The following TMX4 variants were observed in gnomAD, a reference collection of about 807,000 sequenced individuals.
The protein encoded by TMX4 is thioredoxin related transmembrane protein 4.
A neutral mutation model predicts 33.3 loss-of-function variants in TMX4; 23 were observed. That is an observed-to-expected ratio of 0.69 (90% CI 0.50 to 0.98). TMX4 has a LOEUF of 0.98. Ranked by LOEUF, TMX4 falls within the 50% of genes least tolerant of loss-of-function variation. The probability of loss-of-function intolerance (pLI) is 0.00; values close to 1 mark genes in which losing one functional copy is unlikely to be tolerated. For missense variants in TMX4, 399 were observed against 448.9 expected, an observed-to-expected ratio of 0.89 and a Z score of 1.01; for synonymous variants, 164 against 161.5, an observed-to-expected ratio of 1.02 and a Z score of -0.12.
chr20:8,015,417 A>C (rs925864484), intron 1 of TMX4, among the ~76,000 whole-genome samples: 4 of 152,200 alleles, frequency 2.6e-5, no homozygotes, highest in Non-Finnish European at 5.9e-5. Flanking sequence ...CCCACACACC[A>C]AAGAACTGTC....
In TMX4 at chr20:7,982,199, G is replaced by C. The variant is rs1420806712; in HGVS notation, c.*52C>G. On this transcript the variant is annotated 3_prime_UTR_variant, in exon 8 of 8. Coordinates refer to ENST00000246024, the MANE Select transcript of TMX4 (RefSeq NM_021156.4). ...GATTTGGTACAAACTGCAGGCCAAA[G>C]GGAAGCTGACATATTGTTTTGGTGT... 17 of 1,550,584 alleles carry C rather than the reference G, an allele frequency of 1.1e-5. No homozygotes were observed. Among genetic ancestry groups the C allele is most frequent in the Non-Finnish European group, 1.4e-5 (16 of 1,146,482 alleles).
chr20:8,003,439 G>A (rs1029735592), intron 2 of TMX4, among the ~76,000 whole-genome samples: 1 of 151,966 alleles, frequency 6.6e-6, no homozygotes, highest in African/African-American at 2.4e-5. Flanking sequence ...TTGCTCTTTT[G>A]TATGTTCTTA....
intron 5 of TMX4, among the ~76,000 whole-genome samples, chr20:7,995,643 T>A (rs776500667): frequency 7.9e-5 from 12 of 152,118 alleles, no homozygotes; most frequent in Admixed American, 2.0e-4. Context: ...AGGTAGCCCA[T>A]CCACAGGCTA....
rs2050600206 is a variant in TMX4, at chr20:7,980,413, G to A, written c.*1838C>T. The A allele has an allele frequency of 1.3e-5, 2 of 152,206 alleles. No homozygotes were observed. The highest frequency in any genetic ancestry group is 4.8e-5 in the African/African-American group (2 of 41,428). 9.4% of individuals were successfully genotyped at this position (152,206 alleles called of 1,614,324 possible). On this transcript the variant is annotated 3_prime_UTR_variant, in exon 8 of 8. Transcript: ENST00000246024. Reference sequence around the variant, plus strand: ...GGGCAGGCAGGCCCCGCTCTGCTCTGATCGAGAAAAGCTTCCTGATGTCAG... The same window carrying A: ...GGGCAGGCAGGCCCCGCTCTGCTCTAATCGAGAAAAGCTTCCTGATGTCAG...
At chr20:8,009,480 C>CCTTTCTTCATAATTGAGATA (rs1411283705) in intron 2 of TMX4, among the ~76,000 whole-genome samples, 2 of 152,040 alleles carry the variant, frequency 1.3e-5, no homozygotes, top group Non-Finnish European at 2.9e-5. Context: ...AATGTGAGAT[C>CCTTTCTTCATAATTGAGATA]CTTTCTTCAT....
At chr20:8,000,235 C>T (rs987068908) in intron 3 of TMX4, among the ~76,000 whole-genome samples, 1 of 152,096 alleles carries the variant, frequency 6.6e-6, no homozygotes, top group South Asian at 2.1e-4. Flanking sequence ...AAATTTATGT[C>T]GTTCAAGGCC....
Position 8,010,232 on chromosome 20 carries a change from C to G in TMX4, c.260G>C (p.Ser87Thr). 1 of 1,611,740 alleles carries G rather than the reference C, an allele frequency of 6.2e-7. No individual in the cohort carries two copies. Among genetic ancestry groups the G allele is most frequent in the Non-Finnish European group, 8.5e-7 (1 of 1,178,340 alleles). Residue 87 changes from serine to threonine, a missense_variant, in exon 2 of 8, where the codon AGT becomes ACT. Transcript: ENST00000246024. ...TTGAATGACATCTACCTTCCCCACA[C>G]TGATCTGAAGTATTTCACCATTCTT... ...FAKNGEILQI[S>T]VGKVDVIQEP... is the part of the protein sequence containing the mutation.
chr20:8,018,339 GAGA>G (rs1182019398), intron 1 of TMX4, among the ~76,000 whole-genome samples: 2 of 109,328 alleles, frequency 1.8e-5, no homozygotes, highest in African/African-American at 6.8e-5. Context: ...GAGAGAGAGA[GAGA>G]GAGGAGGGAG....
At chr20:8,015,552 A>C (rs1034092142) in intron 1 of TMX4, among the ~76,000 whole-genome samples, 3 of 152,226 alleles carry the variant, frequency 2.0e-5, no homozygotes, top group Non-Finnish European at 4.4e-5. Context: ...TTCAGAGCAC[A>C]ATCTCTTGGA....
chr20:7,983,992 G>C (rs2050620089), intron 6 of TMX4, 135 bp from the exon 7 acceptor site: 2 of 603,822 alleles, frequency 3.3e-6, no homozygotes, highest in African/African-American at 1.9e-5. Flanking sequence ...CTTCACAAGA[G>C]ACAAGGATAT....
chr20:8,002,514 A>G (rs79542055), intron 2 of TMX4, among the ~76,000 whole-genome samples: 2,083 of 152,246 alleles, frequency 0.014, 55 homozygotes, highest in East Asian at 0.065. Flanking sequence ...CACCAAGAAT[A>G]AGTAAAGAGA....
At position 8,019,749 on chromosome 20, in the gene TMX4, A is replaced by G; in HGVS notation, c.-136T>C. 1 of 733,808 alleles carries G rather than the reference A, an allele frequency of 1.4e-6. No homozygotes were observed. The highest frequency in any genetic ancestry group is 1.9e-6 in the Non-Finnish European group (1 of 528,790). The allele number at this position is 733,808 out of a possible 1,614,324, so 45.5% of individuals were successfully genotyped here. A position where few individuals can be genotyped will look rare whatever the true frequency, so the allele number is the denominator to read the frequency against. On this transcript the variant is annotated 5_prime_UTR_variant, in exon 1 of 8. Coordinates refer to ENST00000246024, the MANE Select transcript of TMX4 (RefSeq NM_021156.4). ...ACCCCGCCTACGCCTAGCGGCGCAG[A>G]CTGGCGGTGCTCGCAATGCCGCGGA...
Position 7,982,352 on chromosome 20 carries a change from C to A in TMX4, c.949G>T (p.Ala317Ser). The change falls in exon 8 of 8, where the codon GCT becomes TCT. Residue 317 changes from alanine (A) to serine (S), a missense_variant. By Grantham distance (99) the Ala-to-Ser change is moderately conservative. Coordinates refer to ENST00000246024, the MANE Select transcript of TMX4 (RefSeq NM_021156.4). ...GGTTGCTCAGAGATGCCTTCTTCAG[C>A]CTCCTCAGGCTCTACTTCCTCCCGG... The part of the protein sequence containing the change: ...VTREEVEPEE[A>S]EEGISEQPCP... The A allele has an allele frequency of 6.2e-7, 1 of 1,614,120 alleles. No individual in the cohort carries two copies. The highest frequency in any genetic ancestry group is 8.5e-7 in the Non-Finnish European group (1 of 1,180,030).
chr20:7,982,633 A>C lies in TMX4; in HGVS notation c.680-12T>G, dbSNP rs775021652. On this transcript the variant is annotated splice_polypyrimidine_tract_variant and intron_variant, in intron 7 of 7. Coordinates refer to ENST00000246024, the MANE Select transcript of TMX4 (RefSeq NM_021156.4). Reference sequence around the variant, plus strand: ...TCTCCGATTCTGCTCTATGGAGGGAAGAAAGAGGAATATCCTCTGAATAAA... The same window carrying C: ...TCTCCGATTCTGCTCTATGGAGGGACGAAAGAGGAATATCCTCTGAATAAA... 5 of 1,600,038 alleles carry C rather than the reference A, an allele frequency of 3.1e-6. No individual in the cohort carries two copies. The South Asian group carries it at 4.5e-5, about 14-fold the overall frequency.
intron 6 of TMX4, among the ~76,000 whole-genome samples, chr20:7,985,640 T>C (rs539571134): frequency 3.9e-5 from 6 of 152,342 alleles, no homozygotes; most frequent in Admixed American, 1.3e-4. Context: ...AGTAAATGTA[T>C]GAATCTTTTA....
intron 4 of TMX4, 58 bp from the exon 5 acceptor site, chr20:7,996,129 A>C: frequency 7.0e-7 from 1 of 1,432,570 alleles, no homozygotes; most frequent in Non-Finnish European, 9.7e-7. Context: ...AAAAAAATGA[A>C]AATCAGGTCA....
At chr20:7,990,905 G>GAT (rs1290640498) in intron 5 of TMX4, among the ~76,000 whole-genome samples, 1 of 152,054 alleles carries the variant, frequency 6.6e-6, no homozygotes, top group African/African-American at 2.4e-5. Context: ...CCTCTTGTAG[G>GAT]ATCTATGAAA....
chr20:8,009,760 T>A (rs2050744598), intron 2 of TMX4, among the ~76,000 whole-genome samples: 2 of 151,288 alleles, frequency 1.3e-5, no homozygotes, highest in South Asian at 4.2e-4. Flanking sequence ...ATCAATGTCA[T>A]TTTAAAAAAT....
intron 2 of TMX4, among the ~76,000 whole-genome samples, chr20:8,005,026 T>C (rs1349969578): frequency 6.6e-6 from 1 of 152,084 alleles, no homozygotes; most frequent in African/African-American, 2.4e-5. Context: ...TGAAATAAGG[T>C]TGTCAACATA....
Sources: gnomAD v4.1 joint callset for allele counts (sites outside exome capture counted in the v4.1 genomes callset) on GRCh38, gnomAD v4.1.1 for gene constraint, MANE v1.5 for transcripts, NCBI Gene and HGNC (gene_info 2026-07-23, HGNC 2026-07-21) for gene names.